TIAM1: variants seen among roughly 807,000 people sequenced by gnomAD.
The protein encoded by TIAM1 is rho guanine nucleotide exchange factor TIAM1.
A neutral mutation model predicts 163.5 loss-of-function variants in TIAM1; 65 were observed. The observed-to-expected ratio is 0.40, with a 90% CI of 0.33 to 0.49. TIAM1 has a LOEUF of 0.49. Ranked by LOEUF, TIAM1 falls within the 20% of genes least tolerant of loss-of-function variation. TIAM1 has a pLI of 0.77. For missense variants in TIAM1, 1,789 were observed against 2,044.7 expected (o/e 0.87, Z 2.41); for synonymous variants, 833 against 810.1 (o/e 1.03, Z -0.48).
intron 19 of TIAM1, 22 bp from the exon 20 acceptor site, chr21:31,147,025 A>G (rs760417095): frequency 6.2e-7 from 1 of 1,604,458 alleles, no homozygotes; most frequent in South Asian, 1.1e-5. Flanking sequence ...GAGAAAAGGC[A>G]CAGTTGGTTG....
intron 1 of TIAM1, among the ~76,000 whole-genome samples, chr21:31,505,896 C>G (rs1427306601): frequency 6.6e-6 from 1 of 150,698 alleles, no homozygotes; most frequent in Non-Finnish European, 1.5e-5. Context: ...GTAGTCCCAG[C>G]TACTTGGGAG....
At chr21:31,529,263 G>C (rs2047898626) in intron 1 of TIAM1, among the ~76,000 whole-genome samples, 1 of 151,924 alleles carries the variant, frequency 6.6e-6, no homozygotes, top group Non-Finnish European at 1.5e-5. Flanking sequence ...AGTCCAATGG[G>C]GAAAGGTGGA....
chr21:31,356,125 C>T (rs2076313422), intron 2 of TIAM1, among the ~76,000 whole-genome samples: 1 of 151,900 alleles, frequency 6.6e-6, no homozygotes, highest in African/African-American at 2.4e-5. Context: ...CTTCTTTAAC[C>T]ATAGAAAAAA....
At chr21:31,425,142 T>A (rs956363070) in intron 2 of TIAM1, among the ~76,000 whole-genome samples, 8 of 152,166 alleles carry the variant, frequency 5.3e-5, no homozygotes, top group African/African-American at 1.4e-4. Flanking sequence ...ACAATTTTTT[T>A]AAATCCAAAG....
At chr21:31,186,322 G>A (rs1305838090) in intron 14 of TIAM1, among the ~76,000 whole-genome samples, 3 of 152,188 alleles carry the variant, frequency 2.0e-5, no homozygotes, top group African/African-American at 4.8e-5. Context: ...AGCTCTGCAG[G>A]CTCAGGCAAT....
intron 2 of TIAM1, among the ~76,000 whole-genome samples, chr21:31,445,163 A>G (rs1187756262): frequency 4.2e-5 from 2 of 48,122 alleles, no homozygotes; most frequent in African/African-American, 2.2e-4. Flanking sequence ...GTCGCAGGCT[A>G]ATGTGAGAAA....
intron 22 of TIAM1, among the ~76,000 whole-genome samples, chr21:31,140,194 G>A (rs1350895435): frequency 6.6e-6 from 1 of 152,178 alleles, no homozygotes; most frequent in Non-Finnish European, 1.5e-5. Context: ...TATCTCTGGA[G>A]ATAAGGTGCT....
At chr21:31,318,777 T>C (rs112999081) in intron 2 of TIAM1, among the ~76,000 whole-genome samples, 1 of 152,226 alleles carries the variant, frequency 6.6e-6, no homozygotes, top group Non-Finnish European at 1.5e-5. Context: ...ACTAGAAAGA[T>C]AAAATCTGAT....
At chr21:31,143,452 T>A (rs7277339) in intron 20 of TIAM1, among the ~76,000 whole-genome samples, 13,428 of 149,240 alleles carry the variant, frequency 0.09, 633 homozygotes, top group African/African-American at 0.1. Context: ...TATATAATTT[T>A]TATATATATA....
intron 1 of TIAM1, among the ~76,000 whole-genome samples, chr21:31,544,555 G>A (rs2048426656): frequency 6.6e-6 from 1 of 152,094 alleles, no homozygotes; most frequent in Non-Finnish European, 1.5e-5. Flanking sequence ...TTGAACCCCG[G>A]TGGCAAAGGT....
At chr21:31,334,339 C>T (rs2075773998) in intron 2 of TIAM1, among the ~76,000 whole-genome samples, 1 of 150,962 alleles carries the variant, frequency 6.6e-6, no homozygotes, top group Non-Finnish European at 1.5e-5. Flanking sequence ...GGCTTGAGTG[C>T]AATGGCGTGG....
At chr21:31,364,958 G>C (rs988004906) in intron 2 of TIAM1, among the ~76,000 whole-genome samples, 2 of 152,222 alleles carry the variant, frequency 1.3e-5, no homozygotes, top group Non-Finnish European at 2.9e-5. Flanking sequence ...ACCAAAGACA[G>C]TAAGTAAATG....
intron 4 of TIAM1, among the ~76,000 whole-genome samples, chr21:31,257,042 C>G (rs2072153177): frequency 6.6e-6 from 1 of 152,148 alleles, no homozygotes; most frequent in Admixed American, 6.5e-5. Context: ...CTGGTGCCAG[C>G]CTAATACTAA....
chr21:31,427,225 A>G (rs542783083), intron 2 of TIAM1, among the ~76,000 whole-genome samples: 1 of 152,250 alleles, frequency 6.6e-6, no homozygotes, highest in East Asian at 1.9e-4. Context: ...AGTGGCTCAC[A>G]CCTGTAATCC....
intron 2 of TIAM1, among the ~76,000 whole-genome samples, chr21:31,361,905 T>G (rs150689385): frequency 2.7e-4 from 41 of 152,014 alleles, no homozygotes; most frequent in African/African-American, 9.9e-4. Flanking sequence ...ACATTTGGTA[T>G]GTATACATAT....
intron 14 of TIAM1, among the ~76,000 whole-genome samples, chr21:31,185,643 AATTAT>A (rs200330908): frequency 3.9e-3 from 575 of 145,848 alleles, no homozygotes; most frequent in African/African-American, 0.013. Flanking sequence ...ATTATATGAT[AATTAT>A]ATTATAATAA....
In TIAM1 at chr21:31,338,020, G is replaced by A. The variant is rs1016310183; in HGVS notation, c.-189+1223C>T. ...TCCCTGTACCCCCAGGGCATCCCTA[G>A]CAAGGGCTAACCCTGAGGAGGGTGC... On this transcript the variant is annotated intron_variant, in intron 2 of 27. Coordinates refer to ENST00000541036, the MANE Select transcript of TIAM1 (RefSeq NM_001353694.2). 6.2e-4 allele frequency among the ~76,000 whole-genome samples: 94 copies of A among 152,100 alleles called. 1 individual carries two copies. The highest frequency in any genetic ancestry group is 2.3e-3 in the African/African-American group (94 of 41,412).
At chr21:31,499,346 G>A (rs1199151390) in intron 1 of TIAM1, among the ~76,000 whole-genome samples, 2 of 151,324 alleles carry the variant, frequency 1.3e-5, no homozygotes, top group African/African-American at 4.9e-5. Flanking sequence ...AATCACTTGA[G>A]CCCAGGAGTT....
rs533303516 is a variant in TIAM1 at position 31,236,705 on chromosome 21, G to A, written c.1584+8783C>T. ...TGATGTTGAGGGTTTAAGATACCAC[G>A]AGCTCAGTCTGAGTCAACAGTTTGA... On this transcript the variant is annotated intron_variant, in intron 6 of 27. Coordinates refer to ENST00000541036, the MANE Select transcript of TIAM1 (RefSeq NM_001353694.2). 9.9e-5 allele frequency among the ~76,000 whole-genome samples: 15 copies of A among 152,254 alleles called. 1 individual carries two copies. In the South Asian group the frequency reaches 3.1e-3, roughly 32 times the overall value.
Sources: allele counts gnomAD v4.1 joint callset (sites outside exome capture counted in the v4.1 genomes callset), GRCh38; gene constraint gnomAD v4.1.1; transcripts MANE v1.5; gene names NCBI Gene and HGNC (gene_info 2026-07-23, HGNC 2026-07-21).